FGD4: variants seen among roughly 807,000 people sequenced by gnomAD.
The protein encoded by FGD4 is FYVE, RhoGEF and PH domain-containing protein 4.
FGD4 carries 42 observed loss-of-function variants against 102.0 expected under a neutral mutation model. That is an observed-to-expected ratio of 0.41 (90% CI 0.32 to 0.53). FGD4 has a LOEUF of 0.53. Among genes scored for constraint, FGD4 ranks in the 20% least tolerant of loss-of-function variants. The pLI is 0.21. For missense variants in FGD4, 902 were observed against 1,078.2 expected (o/e 0.84, Z 2.29); for synonymous variants, 380 against 375.7 (o/e 1.01, Z -0.13).
intron 3 of FGD4, among the ~76,000 whole-genome samples, chr12:32,581,556 T>C (rs1946616386): frequency 6.6e-6 from 1 of 152,176 alleles, no homozygotes; most frequent in South Asian, 2.1e-4. Flanking sequence ...TTAAGAAACA[T>C]CAATAAGTAA....
chr12:32,571,959 T>A (rs1371192862), intron 2 of FGD4, among the ~76,000 whole-genome samples: 1 of 152,104 alleles, frequency 6.6e-6, no homozygotes, highest in African/African-American at 2.4e-5. Context: ...CCAGCTACTC[T>A]GGAGACTGAG....
rs537299778 is a variant in FGD4, at chr12:32,521,843, G to A, written c.167-42294G>A. 2.6e-4 allele frequency among the ~76,000 whole-genome samples: 39 copies of A among 152,094 alleles called. 1 individual carries two copies. The South Asian group carries it at 7.9e-3, about 31-fold the overall frequency. ...AACAGTGAACTGTTTACTAATACGA[G>A]ATTATTTAAGTTCCACTACTGATGA... is the stretch of plus-strand genomic sequence containing the variant. On this transcript the variant is annotated intron_variant, in intron 1 of 16. Coordinates refer to ENST00000534526, the MANE Select transcript of FGD4 (RefSeq NM_001370298.3).
At chr12:32,443,186 A>G (rs1942500492) in intron 1 of FGD4, among the ~76,000 whole-genome samples, 1 of 152,302 alleles carries the variant, frequency 6.6e-6, no homozygotes, top group African/African-American at 2.4e-5. Flanking sequence ...AGTCCATAGT[A>G]GGGTGCTTTT....
At chr12:32,572,747 T>C (rs888355436) in intron 2 of FGD4, among the ~76,000 whole-genome samples, 1 of 152,262 alleles carries the variant, frequency 6.6e-6, no homozygotes, top group African/African-American at 2.4e-5. Context: ...TTTTATAATA[T>C]AGTCTTCATA....
rs878943270 is a variant in FGD4 at position 32,563,749 on chromosome 12, G to A, written c.167-388G>A. 3.9e-5 allele frequency among the ~76,000 whole-genome samples: 6 copies of A among 152,286 alleles called. No individual in the cohort carries two copies. The Middle Eastern group carries it at 0.02, about 518-fold the overall frequency. On this transcript the variant is annotated intron_variant, in intron 1 of 16. Coordinates refer to ENST00000534526, the MANE Select transcript of FGD4 (RefSeq NM_001370298.3). ...TGAACCAGACTCCATCTGCAATCCC[G>A]GCACCTCGGGAGGCCGAGGCTGGCG...
At chr12:32,468,443 C>T (rs77684900) in intron 1 of FGD4, among the ~76,000 whole-genome samples, 5,751 of 152,266 alleles carry the variant, frequency 0.038, 165 homozygotes, top group South Asian at 0.12. Flanking sequence ...CAGACTTGAG[C>T]TCTCGAGTGC....
intron 10 of FGD4, among the ~76,000 whole-genome samples, chr12:32,616,334 T>G (rs1188976974): frequency 6.6e-6 from 1 of 152,206 alleles, no homozygotes; most frequent in African/African-American, 2.4e-5. Flanking sequence ...AAAGTGGCAG[T>G]CAGTGACTGA....
intron 1 of FGD4, among the ~76,000 whole-genome samples, chr12:32,485,436 ATTTTT>A (rs372655892): frequency 1.8e-5 from 2 of 114,216 alleles, no homozygotes; most frequent in Non-Finnish European, 3.5e-5. Context: ...TTTAAGACCA[ATTTTT>A]TTTTTTTTTT....
chr12:32,528,439 A>T (rs746578740), intron 1 of FGD4, among the ~76,000 whole-genome samples: 50 of 152,200 alleles, frequency 3.3e-4, no homozygotes, highest in Admixed American at 6.5e-4. Context: ...CCCAGGCTGG[A>T]GTGCAGTGGC....
At chr12:32,501,949 T>G (rs1592026974) in intron 1 of FGD4, 1 of 783,186 alleles carries the variant, frequency 1.3e-6, no homozygotes, top group African/African-American at 1.9e-5. Flanking sequence ...TTAGTTGGGC[T>G]GCACTGGCTT....
chr12:32,613,834 T>C (rs1168640925), intron 10 of FGD4, among the ~76,000 whole-genome samples: 2 of 152,246 alleles, frequency 1.3e-5, no homozygotes, highest in East Asian at 3.9e-4. Context: ...CAACATGAAT[T>C]CTGTTAAAAT....
chr12:32,583,576 G>A (rs1946782424), intron 4 of FGD4, among the ~76,000 whole-genome samples: 1 of 152,184 alleles, frequency 6.6e-6, no homozygotes, highest in African/African-American at 2.4e-5. Context: ...TGGTGGGATT[G>A]TTGAGAACTG....
In FGD4 at chr12:32,640,604, C is replaced by A; in HGVS notation, c.*71C>A. On this transcript the variant is annotated 3_prime_UTR_variant, in exon 17 of 17. Transcript: ENST00000534526. ...CTCAAGACATTCCCAGCTCTTCTTA[C>A]ACATCTGCTAGCACTTTATGTTGAA... 1 of 1,604,526 alleles carries A rather than the reference C, an allele frequency of 6.2e-7. No homozygotes were observed.
chr12:32,569,361 A>C (rs757009587), intron 2 of FGD4, among the ~76,000 whole-genome samples: 12 of 152,160 alleles, frequency 7.9e-5, no homozygotes, highest in Non-Finnish European at 1.5e-4. Context: ...ATGCAAAGTC[A>C]AAATAAGTGG....
intron 6 of FGD4, 22 bp from the exon 7 acceptor site, chr12:32,602,139 T>G: frequency 6.2e-7 from 1 of 1,612,610 alleles, no homozygotes; most frequent in Non-Finnish European, 8.5e-7. Context: ...TTTAAAGACT[T>G]GTTTTTCTAT....
intron 1 of FGD4, among the ~76,000 whole-genome samples, chr12:32,402,384 T>C (rs536723560): frequency 1.3e-5 from 2 of 150,170 alleles, no homozygotes; most frequent in African/African-American, 4.9e-5. Flanking sequence ...GGCAACAGAG[T>C]GAGACCCTGT....
chr12:32,458,187 T>C (rs1188180175), intron 1 of FGD4, among the ~76,000 whole-genome samples: 1 of 152,006 alleles, frequency 6.6e-6, no homozygotes, highest in Non-Finnish European at 1.5e-5. Flanking sequence ...TTTTCCTATT[T>C]GAGACAAGGT....
chr12:32,473,718 C>T (rs540066689), intron 1 of FGD4, among the ~76,000 whole-genome samples: 1 of 152,124 alleles, frequency 6.6e-6, no homozygotes, highest in African/African-American at 2.4e-5. Flanking sequence ...TCCGTTCTTC[C>T]CCACTTTCCA....
chr12:32,477,017 G>A (rs903604002), intron 1 of FGD4, among the ~76,000 whole-genome samples: 5 of 152,204 alleles, frequency 3.3e-5, no homozygotes, highest in African/African-American at 1.2e-4. Context: ...GGCCAGGTGC[G>A]TGGCTCATGC....
Sources: gnomAD v4.1 joint callset for allele counts (sites outside exome capture counted in the v4.1 genomes callset) on GRCh38, gnomAD v4.1.1 for gene constraint, MANE v1.5 for transcripts, NCBI Gene and HGNC (gene_info 2026-07-23, HGNC 2026-07-21) for gene names.